Variants in NPAT observed in about 807,000 individuals in gnomAD.
NPAT encodes the protein protein NPAT.
In NPAT, 52 loss-of-function variants were observed where a neutral mutation model predicts 130.7. That is an observed-to-expected ratio of 0.40 (90% CI 0.32 to 0.50). The LOEUF is 0.50. NPAT is among the 20% of genes least tolerant of loss of function. The pLI is 0.68. For missense variants in NPAT, 1,687 were observed against 1,662.6 expected, an observed-to-expected ratio of 1.01 and a Z score of -0.26; for synonymous variants, 580 against 584.8, an observed-to-expected ratio of 0.99 and a Z score of 0.12.
intron 1 of NPAT, among the ~76,000 whole-genome samples, chr11:108,207,551 C>G (rs150555721): frequency 2.6e-5 from 4 of 152,206 alleles, no homozygotes; most frequent in African/African-American, 9.6e-5. Context: ...AGAGGGGGAC[C>G]GAGGCAGCAT....
chr11:108,195,443 T>C (rs1174846352), intron 2 of NPAT, among the ~76,000 whole-genome samples: 1 of 152,216 alleles, frequency 6.6e-6, no homozygotes, highest in Non-Finnish European at 1.5e-5. Flanking sequence ...ATTTTCTTAA[T>C]GACTAATGAT....
At chr11:108,209,930 T>A (rs1565328043) in intron 1 of NPAT, among the ~76,000 whole-genome samples, 1 of 145,204 alleles carries the variant, frequency 6.9e-6, no homozygotes, top group African/African-American at 2.6e-5. Context: ...AACCACATCA[T>A]CTACCTTAAG....
chr11:108,218,460 T>C (rs958912990), intron 1 of NPAT, among the ~76,000 whole-genome samples: 12 of 152,330 alleles, frequency 7.9e-5, no homozygotes, highest in Middle Eastern at 3.4e-3. Context: ...AGATTAGTAA[T>C]TTAATGTTCG....
At chr11:108,204,699 G>C (rs990123882) in intron 1 of NPAT, among the ~76,000 whole-genome samples, 4 of 152,236 alleles carry the variant, frequency 2.6e-5, no homozygotes, top group African/African-American at 9.6e-5. Context: ...AAGCCAGAGT[G>C]GGGCAGTGGG....
In NPAT at chr11:108,222,586, G is replaced by A; in HGVS notation, c.-50C>T. ...AATAAGGAACAAGACTCAGGTTAAA[G>A]CAAACACAGCGACAGCTCCTGCGCC... On this transcript the variant is annotated 5_prime_UTR_variant, in exon 1 of 18. Transcript: ENST00000278612. 3.1e-6 allele frequency: 5 copies of A among 1,603,622 alleles called. No homozygotes were observed. Among genetic ancestry groups the A allele is most frequent in the Non-Finnish European group, 4.3e-6 (5 of 1,171,776 alleles).
chr11:108,194,916 T>A (rs890146438), intron 2 of NPAT, among the ~76,000 whole-genome samples: 1 of 151,996 alleles, frequency 6.6e-6, no homozygotes, highest in Non-Finnish European at 1.5e-5. Flanking sequence ...CTCTGTCTCC[T>A]GGGTTCAAGC....
rs148858719 is a variant in NPAT, at chr11:108,168,835, T to C, written c.3010+909A>G. Among the ~76,000 whole-genome samples the C allele has an allele frequency of 2.8e-3, 422 of 152,152 alleles. 1 individual carries two copies. The highest frequency in any genetic ancestry group is 9.9e-3 in the African/African-American group (409 of 41,500). On this transcript the variant is annotated intron_variant, in intron 15 of 17. Transcript: ENST00000278612. ...CCAAGTATAAGGTGAGCAGCAACTA[T>C]AGTTTGTACAAAGGGTCCATGCTGG...
chr11:108,216,357 T>C (rs938714288), intron 1 of NPAT, among the ~76,000 whole-genome samples: 1 of 152,212 alleles, frequency 6.6e-6, no homozygotes, highest in African/African-American at 2.4e-5. Flanking sequence ...GGAGTCATAC[T>C]GCCCTAAGAG....
At chr11:108,177,650 C>T (rs2078021712) in intron 10 of NPAT, among the ~76,000 whole-genome samples, 1 of 152,016 alleles carries the variant, frequency 6.6e-6, no homozygotes, top group Non-Finnish European at 1.5e-5. Context: ...GAATATATTC[C>T]TAAACATTAA....
Position 108,173,321 on chromosome 11 carries a change from T to G in NPAT, c.1663A>C (p.Asn555His), listed in dbSNP as rs1268309567. ...TTAATTTTAAGTTTTACTGTATCATTAGAATTTTCACAAAATTGACTTTTT... is the reference window on the plus strand; with the variant it reads ...TTAATTTTAAGTTTTACTGTATCATGAGAATTTTCACAAAATTGACTTTTT... The part of the protein sequence containing the change: ...SKKSQFCENS[N>H]DTVKLKINFH... Residue 555 changes from asparagine to histidine, a missense_variant, in exon 13 of 18, where the codon AAT becomes CAT. By Grantham distance (68) the Asn-to-His change is moderately conservative (BLOSUM62 1). This residue lies in a region of NPAT where 1,379 missense variants were observed against 1,346.6 expected (regional missense o/e 1.02). Coordinates refer to ENST00000278612, the MANE Select transcript of NPAT (RefSeq NM_002519.3). The G allele has an allele frequency of 3.1e-6, 5 of 1,612,498 alleles. No homozygotes were observed. The highest frequency in any genetic ancestry group is 1.3e-5 in the African/African-American group (1 of 74,886).
At chr11:108,203,788 G>C (rs910949524) in intron 1 of NPAT, among the ~76,000 whole-genome samples, 3 of 152,190 alleles carry the variant, frequency 2.0e-5, no homozygotes, top group Non-Finnish European at 2.9e-5. Context: ...TCACTAGGGT[G>C]AAACAGCTCT....
intron 13 of NPAT, chr11:108,171,953 T>G: frequency 2.0e-6 from 1 of 506,852 alleles, no homozygotes; most frequent in Non-Finnish European, 3.5e-6. Flanking sequence ...TACTAGCACA[T>G]AGATTGAGAA....
rs779832716 is a variant in NPAT, at chr11:108,172,287, A to G, written c.2697T>C (p.Ala899=). The stretch of plus-strand genomic sequence containing the variant: ...TCTGTAACTGAGGTGGTAGAGGTTG[A>G]GCAGTCATAGGTGCAGAATTTCCAG... ...VLPGNSAPMT[A]QPLPPQLQTP... is the part of the protein sequence containing the mutation. Residue 899 remains alanine, a synonymous_variant, in exon 13 of 18, where the codon GCT becomes GCC. Coordinates refer to ENST00000278612, the MANE Select transcript of NPAT (RefSeq NM_002519.3). 7 of 1,613,988 alleles carry G rather than the reference A, an allele frequency of 4.3e-6. No individual in the cohort carries two copies. Among genetic ancestry groups the G allele is most frequent in the African/African-American group, 2.7e-5 (2 of 74,952 alleles).
At chr11:108,175,567 T>C (rs571940251) in intron 12 of NPAT, among the ~76,000 whole-genome samples, 1 of 152,276 alleles carries the variant, frequency 6.6e-6, no homozygotes, top group Middle Eastern at 3.4e-3. Context: ...AACACAATCT[T>C]CTAGACATAA....
chr11:108,172,568 C>T lies in NPAT; in HGVS notation c.2416G>A (p.Asp806Asn), dbSNP rs1397138196. ...AGACTCTGTTCCATTGAGGCTGAAT[C>T]CCCTACTTCGGCATATACAACAGCA... is the stretch of plus-strand genomic sequence containing the variant. ...VGAVVYAEVG[D>N]SASMEQSLLT... Residue 806 changes from aspartate (D) to asparagine (N), a missense_variant, in exon 13 of 18, where the codon GAT becomes AAT. Asp to Asn is a conservative substitution (Grantham distance 23, BLOSUM62 1). Coordinates refer to ENST00000278612, the MANE Select transcript of NPAT (RefSeq NM_002519.3). 2 of 1,614,068 alleles carry T rather than the reference C, an allele frequency of 1.2e-6. No homozygotes were observed. The highest frequency in any genetic ancestry group is 2.7e-5 in the African/African-American group (2 of 74,928).
At chr11:108,197,234 G>T in intron 2 of NPAT, 68 bp downstream of exon 2, 1 of 1,133,330 alleles carries the variant, frequency 8.8e-7, no homozygotes, top group Non-Finnish European at 1.3e-6. Context: ...CTGATAAGCT[G>T]ATTTTATGAC....
chr11:108,194,105 A>G (rs948121341), intron 2 of NPAT, 88 bp from the exon 3 acceptor site: 10 of 767,980 alleles, frequency 1.3e-5, no homozygotes, highest in Non-Finnish European at 2.3e-5. Context: ...TCAACTTAAT[A>G]AAAGATCTGA....
Position 108,161,413 on chromosome 11 carries a change from T to C in NPAT, c.3673A>G (p.Thr1225Ala). 6.2e-7 allele frequency: 1 copy of C among 1,614,188 alleles called. No homozygotes were observed. Among genetic ancestry groups the C allele is most frequent in the Non-Finnish European group, 8.5e-7 (1 of 1,179,996 alleles). ...TCTTGTTTTAGATCCTTCACAGCTG[T>C]ACCTACTGAAAGTACATTTTTATTG... Reference protein sequence around the residue: ...SNNKNVLSVGTAVKDLKQEQT... With the variant: ...SNNKNVLSVGAAVKDLKQEQT... The change falls in exon 17 of 18, where the codon ACA becomes GCA. Residue 1225 changes from threonine (T) to alanine (A), a missense_variant. Around this residue, in one of 3 missense-constraint regions of NPAT, gnomAD observed 1,379 missense variants for 1,346.6 expected, o/e 1.02. Transcript: ENST00000278612.
chr11:108,213,800 A>G (rs142085760), intron 1 of NPAT, among the ~76,000 whole-genome samples: 101 of 152,338 alleles, frequency 6.6e-4, no homozygotes, highest in African/African-American at 2.4e-3. Context: ...ATGAGGTTAG[A>G]CACAGAAATT....
Sources: allele counts gnomAD v4.1 joint callset (sites outside exome capture counted in the v4.1 genomes callset), GRCh38; gene constraint gnomAD v4.1.1; regional missense constraint gnomAD v4.1.1; transcripts MANE v1.5; gene names NCBI Gene and HGNC (gene_info 2026-07-23, HGNC 2026-07-21).